MYO1F: variants seen among roughly 807,000 people sequenced by gnomAD.
MYO1F encodes myosin IF, also known as unconventional myosin-If.
Under a neutral mutation model 146.6 loss-of-function variants are expected in MYO1F, and 60 were observed. The observed-to-expected ratio is 0.41, with a 90% CI of 0.33 to 0.51. The LOEUF (loss-of-function observed/expected upper bound fraction) is 0.51, where lower values mean the gene tolerates loss of function less well. MYO1F is among the 20% of genes least tolerant of loss of function. The pLI is 0.25. For synonymous variants in MYO1F, 602 were observed against 602.1 expected (o/e 1.00, Z 0.00); for missense variants, 1,274 against 1,534.3 (o/e 0.83, Z 2.83).
intron 1 of MYO1F, among the ~76,000 whole-genome samples, chr19:8,564,111 C>T (rs1362913592): frequency 1.3e-5 from 2 of 151,948 alleles, no homozygotes; most frequent in African/African-American, 4.8e-5. Flanking sequence ...CCGGGCATGG[C>T]GGCTCATGCC....
chr19:8,572,492 A>T (rs112981681), intron 1 of MYO1F, among the ~76,000 whole-genome samples: 2,110 of 151,684 alleles, frequency 0.014, 52 homozygotes, highest in African/African-American at 0.046. Flanking sequence ...GGTCTCGAAC[A>T]CCTGACCTCA....
Position 8,574,589 on chromosome 19 carries a change from CTCTCTCTCTTTCTTTCTTTCTTTCTT to C in MYO1F, c.3+2692_3+2717del, listed in dbSNP as rs2042181998. 8.3e-5 allele frequency among the ~76,000 whole-genome samples: 7 copies of C among 84,574 alleles called. 1 individual carries two copies. The highest frequency in any genetic ancestry group is 3.5e-4 in the African/African-American group (7 of 19,862). The allele number at this position is 84,574 out of a possible 152,430, so 55.5% of individuals were successfully genotyped here. ...TTTCTTTCTTTCTTTCTCTCTCTCT[CTCTCTCTCTTTCTTTCTTTCTTTCTT>C]TCTTTCTTTCTTTCTTTCTTTCTTT... On this transcript the variant is annotated intron_variant, in intron 1 of 27. Coordinates refer to ENST00000644032, the MANE Select transcript of MYO1F (RefSeq NM_012335.4).
intron 1 of MYO1F, among the ~76,000 whole-genome samples, chr19:8,557,766 G>T (rs113430749): frequency 1.3e-5 from 2 of 152,234 alleles, no homozygotes; most frequent in East Asian, 3.9e-4. Context: ...GGAAGTGGGC[G>T]CATCCCAGTT....
chr19:8,576,201 G>A (rs557166880), intron 1 of MYO1F, among the ~76,000 whole-genome samples: 1 of 152,242 alleles, frequency 6.6e-6, no homozygotes, highest in East Asian at 1.9e-4. Context: ...GTTTCACCAC[G>A]TTGGCCAGGC....
At chr19:8,540,090 C>T (rs933369217) in intron 15 of MYO1F, 62 bp from the exon 16 acceptor site, 12 of 1,393,036 alleles carry the variant, frequency 8.6e-6, no homozygotes, top group Admixed American at 5.6e-5. Flanking sequence ...TACTCTTCCT[C>T]CAGGGGTGGG....
At chr19:8,568,038 A>C (rs1175522314) in intron 1 of MYO1F, among the ~76,000 whole-genome samples, 2 of 152,104 alleles carry the variant, frequency 1.3e-5, no homozygotes, top group African/African-American at 4.8e-5. Context: ...CTCATCTGGC[A>C]GAGTGGCCCT....
At position 8,553,156 on chromosome 19, in the gene MYO1F, T is replaced by C. The variant is rs763847411; in HGVS notation, c.487A>G (p.Asn163Asp). 2 of 1,614,170 alleles carry C rather than the reference T, an allele frequency of 1.2e-6. No individual in the cohort carries two copies. Among genetic ancestry groups the C allele is most frequent in the South Asian group, 2.2e-5 (2 of 91,080 alleles). ...AFGNAKTVRN[N>D]NSSRFGKYFE... Reference sequence around the variant, plus strand: ...AGACTTACAAAGCGGCTGGAATTGTTGTTGCGCACAGTCTTGGCGTTGCCG... The same window carrying C: ...AGACTTACAAAGCGGCTGGAATTGTCGTTGCGCACAGTCTTGGCGTTGCCG... The change falls in exon 6 of 28, where the codon AAC (asparagine) becomes GAC (aspartate). Residue 163 changes from asparagine (N) to aspartate (D), a missense_variant. By Grantham distance (23) the Asn-to-Asp change is conservative. Coordinates refer to ENST00000644032, the MANE Select transcript of MYO1F (RefSeq NM_012335.4).
chr19:8,524,863 G>T (rs1235343390), intron 25 of MYO1F, among the ~76,000 whole-genome samples: 4 of 152,146 alleles, frequency 2.6e-5, no homozygotes, highest in African/African-American at 7.2e-5. Context: ...CGGCCCAAAG[G>T]CCTGGAGGTA....
chr19:8,522,812 C>T lies in MYO1F; in HGVS notation c.2872G>A (p.Val958Met). The change falls in exon 26 of 28, where the codon GTG becomes ATG. Residue 958 changes from valine (V) to methionine (M), a missense_variant. Physicochemically the swap from Val to Met is conservative, Grantham distance 21 (BLOSUM62 1). Around this residue, in one of 2 missense-constraint regions of MYO1F, gnomAD observed 374 missense variants for 379.2 expected, o/e 0.99. Coordinates refer to ENST00000644032, the MANE Select transcript of MYO1F (RefSeq NM_012335.4). ...APPRGMDRNG[V>M]PPSARGGPLP... ...GGGCCCCCTCTGGCAGAGGGGGGCA[C>T]CCCATTGCGATCCATGCCTGTGGCA... is the stretch of plus-strand genomic sequence containing the variant. 6.3e-7 allele frequency: 1 copy of T among 1,578,216 alleles called. No homozygotes were observed.
chr19:8,575,927 G>T (rs1279969549), intron 1 of MYO1F, among the ~76,000 whole-genome samples: 6 of 152,204 alleles, frequency 3.9e-5, no homozygotes, highest in Non-Finnish European at 7.3e-5. Context: ...CATCTTGGAA[G>T]AATTCCCACC....
chr19:8,535,069 G>A lies in MYO1F; in HGVS notation c.2043+1183C>T, dbSNP rs1356765998. Among the ~76,000 whole-genome samples, 9 of 151,788 alleles carry A rather than the reference G, an allele frequency of 5.9e-5. 1 individual carries two copies. Among genetic ancestry groups the A allele is most frequent in the African/African-American group, 1.5e-4 (6 of 41,348 alleles). ...TGGTATTACAGGTGTGCACCACCACGCCCAGCTAATTTTTGTACTTTTAAT... is the reference window on the plus strand; with the variant it reads ...TGGTATTACAGGTGTGCACCACCACACCCAGCTAATTTTTGTACTTTTAAT... On this transcript the variant is annotated intron_variant, in intron 19 of 27. Coordinates refer to ENST00000644032, the MANE Select transcript of MYO1F (RefSeq NM_012335.4).
chr19:8,546,837 C>A (rs886937801), intron 12 of MYO1F, among the ~76,000 whole-genome samples: 13 of 152,070 alleles, frequency 8.5e-5, no homozygotes, highest in African/African-American at 3.1e-4. Context: ...CAGCACCACA[C>A]CTGGCTAAGT....
rs1300831593 is a variant in MYO1F at position 8,551,500 on chromosome 19, C to T, written c.771+240G>A. On this transcript the variant is annotated intron_variant, in intron 8 of 27. Transcript: ENST00000644032. ...CCCAGTAGCTGGGATTACAGTCACA[C>T]GCCACCACATCTGGCTAATTTTTGT... The T allele has an allele frequency of 7.3e-5, 38 of 517,238 alleles. 1 individual carries two copies. The highest frequency in any genetic ancestry group is 5.8e-4 in the South Asian group (29 of 50,264). 32.0% of individuals were successfully genotyped at this position (517,238 alleles called of 1,614,324 possible). A position where few individuals can be genotyped will look rare whatever the true frequency, so the allele number is the denominator to read the frequency against.
Position 8,545,674 on chromosome 19 carries a change from G to A in MYO1F, c.1332C>T (p.Val444=). 1 of 1,614,116 alleles carries A rather than the reference G, an allele frequency of 6.2e-7. No individual in the cohort carries two copies. Among genetic ancestry groups the A allele is most frequent in the South Asian group, 1.1e-5 (1 of 91,086 alleles). ...TPIQYFNNKV[V]CDLIENKLSP... ...CCAGCTTGTTTTCGATGAGGTCACA[G>A]ACGACCTTGTTGTTGAAGTACTGGA... is the stretch of plus-strand genomic sequence containing the variant. Residue 444 remains valine, a synonymous_variant, in exon 13 of 28, where the codon GTC becomes GTT. Transcript: ENST00000644032.
chr19:8,575,527 T>C (rs2042224890), intron 1 of MYO1F, among the ~76,000 whole-genome samples: 1 of 151,634 alleles, frequency 6.6e-6, no homozygotes, highest in African/African-American at 2.4e-5. Flanking sequence ...CATCTCCTGC[T>C]CTGTGACCCG....
chr19:8,559,936 G>A (rs1203540959), intron 1 of MYO1F, among the ~76,000 whole-genome samples: 1 of 123,982 alleles, frequency 8.1e-6, no homozygotes, highest in Admixed American at 9.6e-5. Context: ...GGCAACAAGA[G>A]CAAAACTCCA....
At chr19:8,524,096 G>C (rs1393793864) in intron 25 of MYO1F, among the ~76,000 whole-genome samples, 1 of 98,198 alleles carries the variant, frequency 1.0e-5, no homozygotes, top group African/African-American at 4.0e-5. Flanking sequence ...TCCAGCCTGG[G>C]CAACAGAGCA....
chr19:8,544,084 G>A lies in MYO1F; in HGVS notation c.1524+213C>T, dbSNP rs997552262. 1.1e-5 allele frequency: 6 copies of A among 554,862 alleles called. No homozygotes were observed. The African/African-American group carries it at 1.2e-4, about 11-fold the overall frequency. 34.4% of individuals were successfully genotyped at this position (554,862 alleles called of 1,614,324 possible). A position where few individuals can be genotyped will look rare whatever the true frequency, so the allele number is the denominator to read the frequency against. On this transcript the variant is annotated intron_variant, in intron 14 of 27. Transcript: ENST00000644032. The stretch of plus-strand genomic sequence containing the variant: ...GTGGTGGTGGTGTCCAGACAAGTTT[G>A]GGGCTTAGAGAGTTCCTGGGGGGTC...
chr19:8,540,077 G>A (rs766330195), intron 15 of MYO1F, 49 bp from the exon 16 acceptor site: 12 of 1,499,068 alleles, frequency 8.0e-6, no homozygotes, highest in South Asian at 1.2e-5. Flanking sequence ...CTAGACTTTC[G>A]GGTACTCTTC....
Sources: gnomAD v4.1 joint callset for allele counts (sites outside exome capture counted in the v4.1 genomes callset) on GRCh38, gnomAD v4.1.1 for gene constraint, gnomAD v4.1.1 regional missense constraint, MANE v1.5 for transcripts, NCBI Gene and HGNC (gene_info 2026-07-23, HGNC 2026-07-21) for gene names.